Variants in BEND5 observed in about 807,000 individuals in gnomAD.
BEND5 encodes BEN domain containing 5.
Under a neutral mutation model 43.9 loss-of-function variants are expected in BEND5, and 22 were observed. That is an observed-to-expected ratio of 0.50 (90% CI 0.36 to 0.72). The LOEUF is 0.72. BEND5 is among the 30% of genes least tolerant of loss of function. The pLI is 0.00. For missense variants in BEND5, 428 were observed against 550.6 expected (o/e 0.78, Z 2.23); for synonymous variants, 228 against 225.9 (o/e 1.01, Z -0.08).
At chr1:48,730,896 T>C (rs192579525) in intron 5 of BEND5, among the ~76,000 whole-genome samples, 8 of 152,226 alleles carry the variant, frequency 5.3e-5, no homozygotes, top group Non-Finnish European at 1.0e-4. Context: ...TTGACCTTAA[T>C]AGGTTTAACT....
chr1:48,734,846 C>T (rs952944383), intron 5 of BEND5, among the ~76,000 whole-genome samples: 2 of 152,166 alleles, frequency 1.3e-5, no homozygotes, highest in African/African-American at 2.4e-5. Flanking sequence ...TTGTTGTCTG[C>T]CCCCAGAGTC....
chr1:48,727,828 G>T lies in BEND5; in HGVS notation c.*58C>A. 3 of 1,499,150 alleles carry T rather than the reference G, an allele frequency of 2.0e-6. No homozygotes were observed. The highest frequency in any genetic ancestry group is 1.8e-6 in the Non-Finnish European group (2 of 1,090,904). 92.9% of individuals were successfully genotyped at this position (1,499,150 alleles called of 1,614,324 possible). On this transcript the variant is annotated 3_prime_UTR_variant, in exon 6 of 6. Coordinates refer to ENST00000371833, the MANE Select transcript of BEND5 (RefSeq NM_024603.4). ...GGGGTCTGATTTGGACGGCACCATC[G>T]CTCGCAAATCACATGCCACACAAGG...
intron 3 of BEND5, among the ~76,000 whole-genome samples, chr1:48,744,125 C>T (rs1298549769): frequency 1.3e-5 from 2 of 152,130 alleles, no homozygotes; most frequent in African/African-American, 4.8e-5. Context: ...CCTGGCAGAG[C>T]GAAGGACCAA....
intron 3 of BEND5, among the ~76,000 whole-genome samples, chr1:48,757,334 T>C (rs1643989817): frequency 6.6e-6 from 1 of 152,228 alleles, no homozygotes; most frequent in South Asian, 2.1e-4. Flanking sequence ...CTTTTACAAA[T>C]TTTTACATTT....
intron 3 of BEND5, among the ~76,000 whole-genome samples, chr1:48,748,317 C>T (rs1352861079): frequency 6.6e-6 from 1 of 152,192 alleles, no homozygotes; most frequent in Non-Finnish European, 1.5e-5. Flanking sequence ...CCCCATTAGT[C>T]TTCCAGTGAA....
chr1:48,751,418 G>A (rs1380344186), intron 3 of BEND5, among the ~76,000 whole-genome samples: 2 of 152,182 alleles, frequency 1.3e-5, no homozygotes, highest in African/African-American at 4.8e-5. Context: ...CAGACTGCCT[G>A]ACGCATGGCA....
At chr1:48,750,695 C>G (rs1269753995) in intron 3 of BEND5, among the ~76,000 whole-genome samples, 1 of 152,232 alleles carries the variant, frequency 6.6e-6, no homozygotes, top group Non-Finnish European at 1.5e-5. Flanking sequence ...AAACATTTCC[C>G]TACGGTCAGA....
chr1:48,766,875 G>C (rs1644557333), intron 1 of BEND5, among the ~76,000 whole-genome samples: 1 of 152,168 alleles, frequency 6.6e-6, no homozygotes, highest in South Asian at 2.1e-4. Flanking sequence ...TTTGATTTCA[G>C]CACTATGCTA....
At chr1:48,742,125 A>G (rs748963871) in intron 4 of BEND5, among the ~76,000 whole-genome samples, 4 of 152,234 alleles carry the variant, frequency 2.6e-5, no homozygotes, top group Non-Finnish European at 5.9e-5. Context: ...GCTTGGGGAT[A>G]AGGGAGTATG....
chr1:48,742,438 G>A (rs1206828610), intron 4 of BEND5, among the ~76,000 whole-genome samples, 185 bp downstream of exon 4: 1 of 152,046 alleles, frequency 6.6e-6, no homozygotes, highest in Non-Finnish European at 1.5e-5. Flanking sequence ...AAAGGAAGAA[G>A]GAAGAGAAAA....
chr1:48,765,220 A>G (rs1644472501), intron 1 of BEND5, among the ~76,000 whole-genome samples: 1 of 152,244 alleles, frequency 6.6e-6, no homozygotes, highest in Non-Finnish European at 1.5e-5. Flanking sequence ...GGCAGGGCCC[A>G]TATCATAGAA....
rs185487110 is a variant in BEND5, at chr1:48,749,274, G to A, written c.746-6503C>T. Among the ~76,000 whole-genome samples, 5 of 152,114 alleles carry A rather than the reference G, an allele frequency of 3.3e-5. No individual in the cohort carries two copies. In the East Asian group the frequency reaches 7.7e-4, roughly 24 times the overall value. On this transcript the variant is annotated intron_variant, in intron 3 of 5. Transcript: ENST00000371833. ...GTAGCATTTTTCAGCCCACTGTCAC[G>A]TGATTGTTTGTTTAACAGCTCCCTG... is the stretch of plus-strand genomic sequence containing the variant.
At chr1:48,733,556 C>T (rs1026815038) in intron 5 of BEND5, among the ~76,000 whole-genome samples, 6 of 152,154 alleles carry the variant, frequency 3.9e-5, no homozygotes, top group Admixed American at 6.5e-5. Context: ...GAGGGAAACT[C>T]ACACAACTTG....
intron 3 of BEND5, among the ~76,000 whole-genome samples, chr1:48,758,142 C>T (rs878941684): frequency 6.6e-6 from 1 of 152,186 alleles, no homozygotes. Context: ...GTTCTATGAG[C>T]AAACCAAAGG....
intron 2 of BEND5, 40 bp downstream of exon 2, chr1:48,761,297 T>G (rs572740803): frequency 1.3e-6 from 2 of 1,520,250 alleles, no homozygotes; most frequent in African/African-American, 2.8e-5. Context: ...TATCTGAAAA[T>G]GCTCCAGCAT....
intron 5 of BEND5, among the ~76,000 whole-genome samples, chr1:48,734,888 C>A (rs1648772302): frequency 6.6e-6 from 1 of 152,172 alleles, no homozygotes. Context: ...CTGACTGAGT[C>A]TTACTTTCTT....
rs746673782 is a variant in BEND5 at position 48,759,151 on chromosome 1, G to A, written c.494C>T (p.Pro165Leu). 30 of 1,614,164 alleles carry A rather than the reference G, an allele frequency of 1.9e-5. No homozygotes were observed. In the South Asian group the frequency reaches 3.2e-4, roughly 17 times the overall value. Residue 165 changes from proline (P) to leucine (L), a missense_variant, in exon 3 of 6, where the codon CCA becomes CTA. Transcript: ENST00000371833. ...TAGACTGTCCATGTCCTCTGTGCCT[G>A]GCGAGGCCTCCACGAAGACCTCTTC... ...CPEEVFVEAS[P>L]GTEDMDSLED...
intron 3 of BEND5, among the ~76,000 whole-genome samples, chr1:48,743,917 C>G (rs1391646549): frequency 1.3e-5 from 2 of 152,190 alleles, no homozygotes; most frequent in Admixed American, 1.3e-4. Context: ...CTGGCAGCTG[C>G]TAACTGAAAG....
chr1:48,776,716 G>A lies in BEND5; in HGVS notation c.116C>T (p.Ala39Val). Reference protein sequence around the residue: ...RLDFDNQKVYAVYRGPEELGA... With the variant: ...RLDFDNQKVYVVYRGPEELGA... ...CAATTCCTCCGGGCCCCGGTACACGGCGTACACCTTCTGGTTGTCAAAATC... is the reference window on the plus strand; with the variant it reads ...CAATTCCTCCGGGCCCCGGTACACGACGTACACCTTCTGGTTGTCAAAATC... Residue 39 changes from alanine to valine, a missense_variant, in exon 1 of 6, where the codon GCC (alanine) becomes GTC (valine). Physicochemically the swap from Ala to Val is moderately conservative, Grantham distance 64. Coordinates refer to ENST00000371833, the MANE Select transcript of BEND5 (RefSeq NM_024603.4). 6.5e-7 allele frequency: 1 copy of A among 1,527,232 alleles called. No individual in the cohort carries two copies. Among genetic ancestry groups the A allele is most frequent in the Admixed American group, 2.1e-5 (1 of 48,608 alleles). The allele number at this position is 1,527,232 out of a possible 1,614,324, so 94.6% of individuals were successfully genotyped here. A position where few individuals can be genotyped will look rare whatever the true frequency, so the allele number is the denominator to read the frequency against.
Sources: allele counts gnomAD v4.1 joint callset (sites outside exome capture counted in the v4.1 genomes callset), GRCh38; gene constraint gnomAD v4.1.1; transcripts MANE v1.5; gene names NCBI Gene and HGNC (gene_info 2026-07-23, HGNC 2026-07-21).